The following ZNF432 variants were observed in gnomAD, a reference collection of about 807,000 sequenced individuals.
ZNF432 encodes the protein zinc finger protein 432.
Under a neutral mutation model 13.9 loss-of-function variants are expected in ZNF432, and 10 were observed. That is an observed-to-expected ratio of 0.72 (90% CI 0.44 to 1.22). The LOEUF (loss-of-function observed/expected upper bound fraction) is 1.22. ZNF432 is among the 50% of genes most tolerant of loss of function. The pLI is 0.00. For missense variants in ZNF432, 793 were observed against 796.2 expected (o/e 1.00, Z 0.05); for synonymous variants, 247 against 256.2 (o/e 0.96, Z 0.34).
Position 52,033,433 on chromosome 19 carries a change from C to T in ZNF432, c.*287G>A, listed in dbSNP as rs942550878. Reference sequence around the variant, plus strand: ...GTACCTTACACATTTGTCATGTGGACGTTGTCATAGTTTTAATGAAGGTTG... The same window carrying T: ...GTACCTTACACATTTGTCATGTGGATGTTGTCATAGTTTTAATGAAGGTTG... On this transcript the variant is annotated 3_prime_UTR_variant, in exon 5 of 5. Transcript: ENST00000221315. 4.2e-5 allele frequency: 15 copies of T among 356,348 alleles called. No individual in the cohort carries two copies. Among genetic ancestry groups the T allele is most frequent in the Admixed American group, 1.8e-4 (4 of 22,464 alleles). 22.1% of individuals were successfully genotyped at this position (356,348 alleles called of 1,614,324 possible).
In ZNF432 at chr19:52,033,819, T is replaced by G. The variant is rs373544267; in HGVS notation, c.1860A>C (p.Thr620=). 3 of 1,613,810 alleles carry G rather than the reference T, an allele frequency of 1.9e-6. No individual in the cohort carries two copies. Among genetic ancestry groups the G allele is most frequent in the Non-Finnish European group, 1.7e-6 (2 of 1,180,002 alleles). The change falls in exon 5 of 5, where the codon ACA becomes ACC. Residue 620 remains threonine, a synonymous_variant. Transcript: ENST00000221315. ...CACTGCATACAAAGGGTTTCTCTCCTGTATGAGTTCGTTGATGAACAATTA... is the reference window on the plus strand; with the variant it reads ...CACTGCATACAAAGGGTTTCTCTCCGGTATGAGTTCGTTGATGAACAATTA... The part of the protein sequence containing the change: ...SRLIVHQRTH[T]GEKPFVCSEC...
rs781131801 is a variant in ZNF432 at position 52,041,472 on chromosome 19, G to A, written c.142+8C>T. Reference sequence around the variant, plus strand: ...ACCCTCCAGGTGACACAGAGCAGCTGTCCTCACCCATTGATAGCAGGTTGC... The same window carrying A: ...ACCCTCCAGGTGACACAGAGCAGCTATCCTCACCCATTGATAGCAGGTTGC... On this transcript the variant is annotated splice_region_variant and intron_variant, in intron 3 of 4. Coordinates refer to ENST00000221315, the MANE Select transcript of ZNF432 (RefSeq NM_014650.4). 8.8e-6 allele frequency: 14 copies of A among 1,595,006 alleles called. No homozygotes were observed. In the East Asian group the frequency reaches 2.9e-4, roughly 33 times the overall value.
At chr19:52,038,907 T>C (rs1048758340) in intron 4 of ZNF432, among the ~76,000 whole-genome samples, 1 of 152,242 alleles carries the variant, frequency 6.6e-6, no homozygotes, top group African/African-American at 2.4e-5. Flanking sequence ...AGTTTAACAA[T>C]ATGATTTGTG....
At position 52,033,367 on chromosome 19, in the gene ZNF432, G is replaced by A. The variant is rs913660848; in HGVS notation, c.*353C>T. ...CGTGGTTTTCTCTCTGCATGAATTT[G>A]TTTGTATGTAATCAGTTCAGATTCT... On this transcript the variant is annotated 3_prime_UTR_variant, in exon 5 of 5. Coordinates refer to ENST00000221315, the MANE Select transcript of ZNF432 (RefSeq NM_014650.4). 2 of 203,836 alleles carry A rather than the reference G, an allele frequency of 9.8e-6. No individual in the cohort carries two copies. The highest frequency in any genetic ancestry group is 4.7e-5 in the African/African-American group (2 of 42,948). The allele number at this position is 203,836 out of a possible 1,614,324, so 12.6% of individuals were successfully genotyped here. A position where few individuals can be genotyped will look rare whatever the true frequency, so the allele number is the denominator to read the frequency against.
In ZNF432 at chr19:52,033,835, T is replaced by C; in HGVS notation, c.1844A>G (p.His615Arg). ...TTTCTCTCCTGTATGAGTTCGTTGA[T>C]GAACAATTAGACGGCTCTTCATAGT... ...GFTMKSRLIV[H>R]QRTHTGEKPF... Residue 615 changes from histidine to arginine, a missense_variant, in exon 5 of 5, where the codon CAT becomes CGT. Coordinates refer to ENST00000221315, the MANE Select transcript of ZNF432 (RefSeq NM_014650.4). 2 of 1,614,144 alleles carry C rather than the reference T, an allele frequency of 1.2e-6. No individual in the cohort carries two copies. The highest frequency in any genetic ancestry group is 1.7e-6 in the Non-Finnish European group (2 of 1,180,024).
rs772383242 is a variant in ZNF432 at position 52,034,559 on chromosome 19, T to A, written c.1120A>T (p.Ile374Leu). Residue 374 changes from isoleucine to leucine, a missense_variant, in exon 5 of 5, where the codon ATA becomes TTA. Transcript: ENST00000221315. Reference sequence around the variant, plus strand: ...AAGCCTTTCCCACATTCATTGCATATATATGGTTTCTCTCCTGTATGATTT... The same window carrying A: ...AAGCCTTTCCCACATTCATTGCATAAATATGGTTTCTCTCCTGTATGATTT... Reference protein sequence around the residue: ...QRNHTGEKPYICNECGKGFTM... With the variant: ...QRNHTGEKPYLCNECGKGFTM... 1.2e-6 allele frequency: 2 copies of A among 1,613,508 alleles called. No homozygotes were observed. The highest frequency in any genetic ancestry group is 2.2e-5 in the South Asian group (2 of 91,068).
At position 52,035,518 on chromosome 19, in the gene ZNF432, G is replaced by T. The variant is rs1038434401; in HGVS notation, c.239-78C>A. On this transcript the variant is annotated intron_variant, in intron 4 of 4. Coordinates refer to ENST00000221315, the MANE Select transcript of ZNF432 (RefSeq NM_014650.4). ...TGTCTTCTTAGAAAAAAAAATCCTT[G>T]GTGTTTTATTTTGTTTATTATTATT... 1.3e-5 allele frequency: 16 copies of T among 1,199,640 alleles called. No homozygotes were observed. In the African/African-American group the frequency reaches 2.0e-4, roughly 15 times the overall value. 74.3% of individuals were successfully genotyped at this position (1,199,640 alleles called of 1,614,324 possible). A position where few individuals can be genotyped will look rare whatever the true frequency, so the allele number is the denominator to read the frequency against.
chr19:52,033,601 G>A lies in ZNF432; in HGVS notation c.*119C>T. 3.3e-6 allele frequency: 4 copies of A among 1,198,300 alleles called. No homozygotes were observed. The highest frequency in any genetic ancestry group is 4.6e-6 in the Non-Finnish European group (4 of 867,114). 74.2% of individuals were successfully genotyped at this position (1,198,300 alleles called of 1,614,324 possible). A position where few individuals can be genotyped will look rare whatever the true frequency, so the allele number is the denominator to read the frequency against. ...AGCATTCATCCTAGTGAATAACACT[G>A]GATTTTGAAATATGATTTTTCATAC... On this transcript the variant is annotated 3_prime_UTR_variant, in exon 5 of 5. Coordinates refer to ENST00000221315, the MANE Select transcript of ZNF432 (RefSeq NM_014650.4).
rs2087220934 is a variant in ZNF432 at position 52,048,796 on chromosome 19, C to G, written c.-294G>C. On this transcript the variant is annotated 5_prime_UTR_variant, in exon 1 of 5. Coordinates refer to ENST00000221315, the MANE Select transcript of ZNF432 (RefSeq NM_014650.4). The stretch of plus-strand genomic sequence containing the variant: ...TCGCCCAACTCCCTCCCCCTCTAAA[C>G]CTCCAGAGACGGTCAGCCGCGTTTC... 1 of 152,470 alleles carries G rather than the reference C, an allele frequency of 6.6e-6. No individual in the cohort carries two copies. The highest frequency in any genetic ancestry group is 6.5e-5 in the Admixed American group (1 of 15,290). 9.4% of individuals were successfully genotyped at this position (152,470 alleles called of 1,614,324 possible). A position where few individuals can be genotyped will look rare whatever the true frequency, so the allele number is the denominator to read the frequency against.
At chr19:52,036,968 G>A (rs2087088182) in intron 4 of ZNF432, among the ~76,000 whole-genome samples, 2 of 152,186 alleles carry the variant, frequency 1.3e-5, no homozygotes, top group Admixed American at 1.3e-4. Context: ...AAGGCACTGA[G>A]CCAGGATACC....
At chr19:52,048,009 C>T (rs2087203403) in intron 1 of ZNF432, among the ~76,000 whole-genome samples, 1 of 152,002 alleles carries the variant, frequency 6.6e-6, no homozygotes, top group Non-Finnish European at 1.5e-5. Flanking sequence ...GGTTCAAGAG[C>T]ATGGGTTGTT....
chr19:52,035,749 T>G (rs934133753), intron 4 of ZNF432, among the ~76,000 whole-genome samples: 1 of 152,088 alleles, frequency 6.6e-6, no homozygotes, highest in Non-Finnish European at 1.5e-5. Flanking sequence ...GCCAGGCTGG[T>G]CTTGAACTCC....
At chr19:52,041,941 C>T (rs1207758230) in intron 2 of ZNF432, among the ~76,000 whole-genome samples, 2 of 152,114 alleles carry the variant, frequency 1.3e-5, no homozygotes, top group Non-Finnish European at 2.9e-5. Flanking sequence ...CACTGTTAAG[C>T]CTTCCCAGCT....
At position 52,040,487 on chromosome 19, in the gene ZNF432, C is replaced by G. The variant is rs1179000869; in HGVS notation, c.238+1G>C. The G allele has an allele frequency of 6.2e-7, 1 of 1,613,730 alleles. No homozygotes were observed. The highest frequency in any genetic ancestry group is 1.7e-5 in the Admixed American group (1 of 60,006). On this transcript the variant is annotated splice_donor_variant, in intron 4 of 4. Transcript: ENST00000221315. LOFTEE classifies it high-confidence loss of function. ...TACGCATCTTGCTGCTTCTCACATA[C>G]CTGGACAGATTCGACTGTGCCTTTC...
chr19:52,032,264 C>T lies in ZNF432; in HGVS notation c.*1456G>A, dbSNP rs1375312239. 2 of 151,548 alleles carry T rather than the reference C, an allele frequency of 1.3e-5. No homozygotes were observed. Among genetic ancestry groups the T allele is most frequent in the East Asian group, 3.9e-4 (2 of 5,140 alleles). The allele number at this position is 151,548 out of a possible 1,614,324, so 9.4% of individuals were successfully genotyped here. ...ATATGTAAGAACTAATAAATAACAC[C>T]AGATTGGCACAGAAAACACCTGTGT... On this transcript the variant is annotated 3_prime_UTR_variant, in exon 5 of 5. Coordinates refer to ENST00000221315, the MANE Select transcript of ZNF432 (RefSeq NM_014650.4).
At chr19:52,040,359 A>G in intron 4 of ZNF432, 129 bp downstream of exon 4, 1 of 784,764 alleles carries the variant, frequency 1.3e-6, no homozygotes, top group East Asian at 2.5e-5. Context: ...TAAGATGGGA[A>G]GGGTTTCTTG....
chr19:52,045,643 C>T (rs2087174333), intron 2 of ZNF432, among the ~76,000 whole-genome samples: 2 of 151,030 alleles, frequency 1.3e-5, no homozygotes, highest in Non-Finnish European at 3.0e-5. Flanking sequence ...GCGTGAGCCA[C>T]TGTGCCCGGC....
rs759899818 is a variant in ZNF432 at position 52,046,920 on chromosome 19, C to T, written c.-52G>A. 46 of 1,597,734 alleles carry T rather than the reference C, an allele frequency of 2.9e-5. No homozygotes were observed. In the East Asian group the frequency reaches 9.6e-4, roughly 33 times the overall value. On this transcript the variant is annotated 5_prime_UTR_variant, in exon 2 of 5. Transcript: ENST00000221315. ...CACCTGGGATACTCTGTCTTTGTCT[C>T]CTCTGGATCTGCCTTAAATTTCTAT...
In ZNF432 at chr19:52,033,225, C is replaced by G; in HGVS notation, c.*495G>C. On this transcript the variant is annotated 3_prime_UTR_variant, in exon 5 of 5. Coordinates refer to ENST00000221315, the MANE Select transcript of ZNF432 (RefSeq NM_014650.4). Reference sequence around the variant, plus strand: ...TGCATTCTCTGCATTCATTAAAATTCGCTCCTGGAAATTGCATTGTCTTCC... The same window carrying G: ...TGCATTCTCTGCATTCATTAAAATTGGCTCCTGGAAATTGCATTGTCTTCC... The G allele has an allele frequency of 6.5e-6, 1 of 153,816 alleles. No homozygotes were observed. Among genetic ancestry groups the G allele is most frequent in the Non-Finnish European group, 1.4e-5 (1 of 69,070 alleles). The allele number at this position is 153,816 out of a possible 1,614,324, so 9.5% of individuals were successfully genotyped here.
Sources: gnomAD v4.1 joint callset for allele counts (sites outside exome capture counted in the v4.1 genomes callset) on GRCh38, gnomAD v4.1.1 for gene constraint, MANE v1.5 for transcripts, NCBI Gene and HGNC (gene_info 2026-07-23, HGNC 2026-07-21) for gene names.